Variants in GSG1L observed in about 807,000 individuals in gnomAD.
The protein encoded by GSG1L is GSG1 like, also known as germ cell-specific gene 1-like protein.
GSG1L carries 24 observed loss-of-function variants against 42.1 expected under a neutral mutation model. The observed-to-expected ratio is 0.57, with a 90% CI of 0.41 to 0.80. The LOEUF is 0.80. Ranked by LOEUF, GSG1L falls within the 30% of genes least tolerant of loss-of-function variation. The pLI, the probability that GSG1L is intolerant of heterozygous loss-of-function variation, is 0.00. For missense variants in GSG1L, 445 were observed against 472.2 expected (o/e 0.94, Z 0.53); for synonymous variants, 215 against 203.5 (o/e 1.06, Z -0.48).
intron 2 of GSG1L, among the ~76,000 whole-genome samples, chr16:27,910,058 C>T (rs1173164402): frequency 6.6e-6 from 1 of 150,756 alleles, no homozygotes; most frequent in African/African-American, 2.4e-5. Flanking sequence ...CTCCCAGGTC[C>T]AAGAGATTCT....
At chr16:28,056,999 G>A (rs971534153) in intron 1 of GSG1L, among the ~76,000 whole-genome samples, 1 of 152,094 alleles carries the variant, frequency 6.6e-6, no homozygotes, top group Non-Finnish European at 1.5e-5. Context: ...AGTTCCTGGA[G>A]GCAAGGAACA....
intron 1 of GSG1L, among the ~76,000 whole-genome samples, chr16:27,969,695 A>T (rs557641272): frequency 8.5e-5 from 13 of 152,250 alleles, no homozygotes; most frequent in Admixed American, 8.5e-4. Flanking sequence ...TGTGTGGACA[A>T]GTTTTTGTTT....
intron 2 of GSG1L, among the ~76,000 whole-genome samples, chr16:27,936,054 C>T (rs796464276): frequency 2.6e-5 from 4 of 151,494 alleles, no homozygotes; most frequent in African/African-American, 9.7e-5. Flanking sequence ...CCCCACCCTT[C>T]AGGACCCTGC....
intron 1 of GSG1L, among the ~76,000 whole-genome samples, chr16:28,053,909 C>T (rs902978014): frequency 6.6e-6 from 1 of 152,204 alleles, no homozygotes; most frequent in Non-Finnish European, 1.5e-5. Context: ...TCTCATCTCT[C>T]TCTGGGTCTC....
At position 27,888,458 on chromosome 16, in the gene GSG1L, T is replaced by TTCTCTCTC. The variant is rs1567505725; in HGVS notation, c.398-3821_398-3820insGAGAGAGA. Among the ~76,000 whole-genome samples the TTCTCTCTC allele has an allele frequency of 3.5e-4, 16 of 45,592 alleles. 2 individuals carry two copies. The highest frequency in any genetic ancestry group is 8.7e-4 in the African/African-American group (13 of 14,926). 29.9% of individuals were successfully genotyped at this position (45,592 alleles called of 152,430 possible). On this transcript the variant is annotated intron_variant, in intron 2 of 6. Coordinates refer to ENST00000447459, the MANE Select transcript of GSG1L (RefSeq NM_001109763.2). ...TTTCTTTCTTTCTTTCTTTCTTTCTTTCTTTCTCTCTCTCTCTCTCTTTCC... is the reference window on the plus strand; with the variant it reads ...TTTCTTTCTTTCTTTCTTTCTTTCTTTCTCTCTCTCTTTCTCTCTCTCTCTCTCTTTCC...
intron 4 of GSG1L, among the ~76,000 whole-genome samples, chr16:27,834,339 G>A (rs1256940434): frequency 1.3e-5 from 2 of 151,958 alleles, no homozygotes; most frequent in East Asian, 1.9e-4. Context: ...TGACTTCTAT[G>A]TGCTATTGTT....
At chr16:27,860,616 A>G (rs2140999554) in intron 3 of GSG1L, among the ~76,000 whole-genome samples, 1 of 152,358 alleles carries the variant, frequency 6.6e-6, no homozygotes, top group South Asian at 2.1e-4. Context: ...CACAGGGAAA[A>G]GACTATTGGT....
chr16:27,851,355 C>T (rs2083512989), intron 3 of GSG1L, among the ~76,000 whole-genome samples: 1 of 152,096 alleles, frequency 6.6e-6, no homozygotes, highest in South Asian at 2.1e-4. Flanking sequence ...TGCTGCCATG[C>T]CTGGCTGACA....
chr16:27,946,935 CAGA>C (rs1402019051), intron 2 of GSG1L, among the ~76,000 whole-genome samples: 1 of 152,140 alleles, frequency 6.6e-6, no homozygotes, highest in Non-Finnish European at 1.5e-5. Context: ...ACTTGATTCT[CAGA>C]AGAATCCCAC....
chr16:28,016,888 G>T (rs1300883046), intron 1 of GSG1L, among the ~76,000 whole-genome samples: 2 of 152,146 alleles, frequency 1.3e-5, no homozygotes, highest in African/African-American at 4.8e-5. Context: ...AAATCCGCTT[G>T]CCTCCCCCAC....
At chr16:27,996,095 C>T (rs2085511929) in intron 1 of GSG1L, among the ~76,000 whole-genome samples, 1 of 152,060 alleles carries the variant, frequency 6.6e-6, no homozygotes, top group Admixed American at 6.6e-5. Context: ...CAACCCAGTC[C>T]TAAACAGCGC....
intron 1 of GSG1L, among the ~76,000 whole-genome samples, chr16:28,015,809 A>C (rs2085774064): frequency 6.6e-6 from 1 of 152,250 alleles, no homozygotes; most frequent in South Asian, 2.1e-4. Flanking sequence ...AGTCTACAGA[A>C]GTGCCTCTGG....
Position 27,884,519 on chromosome 16 carries a change from T to G in GSG1L, c.517A>C (p.Asn173His). The G allele has an allele frequency of 6.2e-7, 1 of 1,613,942 alleles. No homozygotes were observed. The highest frequency in any genetic ancestry group is 8.5e-7 in the Non-Finnish European group (1 of 1,179,956). The change falls in exon 3 of 7, where the codon AAT becomes CAT. Residue 173 changes from asparagine to histidine, a missense_variant. Asn to His is a moderately conservative substitution (Grantham distance 68, BLOSUM62 1). Around this residue, in one of 3 missense-constraint regions of GSG1L, gnomAD observed 149 missense variants for 223.3 expected, o/e 0.67. Coordinates refer to ENST00000447459, the MANE Select transcript of GSG1L (RefSeq NM_001109763.2). The surrounding 1 kb of genome is among the most constrained non-coding windows in gnomAD (Gnocchi z 4.4). ...SSNVIDGLKL[N>H]AFAAVFTVLS... is the part of the protein sequence containing the mutation. The stretch of plus-strand genomic sequence containing the variant: ...ACCGTGAAGACAGCCGCGAAGGCAT[T>G]GAGCTTGAGCCCGTCGATGACATTG...
intron 3 of GSG1L, among the ~76,000 whole-genome samples, chr16:27,846,739 G>T (rs977232332): frequency 6.6e-6 from 1 of 152,068 alleles, no homozygotes; most frequent in African/African-American, 2.4e-5. Flanking sequence ...CGGATCACGA[G>T]GTCAGGAGAT....
At chr16:27,922,559 C>G (rs941855282) in intron 2 of GSG1L, among the ~76,000 whole-genome samples, 1 of 152,206 alleles carries the variant, frequency 6.6e-6, no homozygotes, top group African/African-American at 2.4e-5. Flanking sequence ...TGTGCCCCCT[C>G]CTCATCTCGT....
At chr16:27,844,880 A>T in intron 4 of GSG1L, 70 bp downstream of exon 4, 1 of 321,110 alleles carries the variant, frequency 3.1e-6, no homozygotes, top group Non-Finnish European at 6.2e-6. Context: ...CACTGGGCTG[A>T]GCTGCTGAAG....
At position 27,850,037 on chromosome 16, in the gene GSG1L, T is replaced by TTTTTTTTC. The variant is rs2083491270; in HGVS notation, c.551-4977_551-4976insGAAAAAAA. ...ATTTGAAATGCCTTTTTTTTTTTTT[T>TTTTTTTTC]TTTTTTTTGAGATGGGAATCTCACT... On this transcript the variant is annotated intron_variant, in intron 3 of 6. Transcript: ENST00000447459. Among the ~76,000 whole-genome samples, 8 of 132,474 alleles carry TTTTTTTTC rather than the reference T, an allele frequency of 6.0e-5. 2 individuals are homozygous for TTTTTTTTC. Among genetic ancestry groups the TTTTTTTTC allele is most frequent in the Admixed American group, 2.3e-4 (3 of 12,896 alleles). The allele number at this position is 132,474 out of a possible 152,430, so 86.9% of individuals were successfully genotyped here.
At chr16:28,030,493 C>T (rs527373089) in intron 1 of GSG1L, among the ~76,000 whole-genome samples, 4 of 152,178 alleles carry the variant, frequency 2.6e-5, no homozygotes, top group South Asian at 4.2e-4. Context: ...AGGAGACAGA[C>T]AGAAGGACAA....
At chr16:27,950,660 C>T (rs890784558) in intron 2 of GSG1L, among the ~76,000 whole-genome samples, 2 of 152,050 alleles carry the variant, frequency 1.3e-5, no homozygotes, top group East Asian at 1.9e-4. Context: ...TGACTCTGAC[C>T]TAAACCTGCT....
Sources: allele counts gnomAD v4.1 joint callset (sites outside exome capture counted in the v4.1 genomes callset), GRCh38; gene constraint gnomAD v4.1.1; regional missense constraint gnomAD v4.1.1; non-coding constraint Gnocchi (gnomAD v3.1); transcripts MANE v1.5; gene names NCBI Gene and HGNC (gene_info 2026-07-23, HGNC 2026-07-21).